Variants in TAF15 observed in about 807,000 individuals in gnomAD.
TAF15 encodes the protein TATA-binding protein-associated factor 2N.
In TAF15, 37 loss-of-function variants were observed where a neutral mutation model predicts 102.5. That is an observed-to-expected ratio of 0.36 (90% CI 0.28 to 0.47). The LOEUF (loss-of-function observed/expected upper bound fraction) is 0.47. Ranked by LOEUF, TAF15 falls within the 20% of genes least tolerant of loss-of-function variation. The pLI, the probability that TAF15 is intolerant of heterozygous loss-of-function variation, is 0.99. For synonymous variants in TAF15, 273 were observed against 259.2 expected, an observed-to-expected ratio of 1.05 and a Z score of -0.51; for missense variants, 652 against 760.7, an observed-to-expected ratio of 0.86 and a Z score of 1.68.
At position 35,847,088 on chromosome 17, in the gene TAF15, C is replaced by T. The variant is rs1372199096; in HGVS notation, c.*143C>T. 1 of 746,810 alleles carries T rather than the reference C, an allele frequency of 1.3e-6. No individual in the cohort carries two copies. Among genetic ancestry groups the T allele is most frequent in the Non-Finnish European group, 2.4e-6 (1 of 423,478 alleles). The allele number at this position is 746,810 out of a possible 1,614,324, so 46.3% of individuals were successfully genotyped here. On this transcript the variant is annotated 3_prime_UTR_variant, in exon 16 of 16. Transcript: ENST00000605844. ...TTTTATTTGGGTGGGAGGGCTGGGA[C>T]AGTTTTTCTTCTAGAAATGTCTGTT...
chr17:35,815,170 AAT>A (rs2087180727), intron 1 of TAF15, among the ~76,000 whole-genome samples: 1 of 152,188 alleles, frequency 6.6e-6, no homozygotes, highest in African/African-American at 2.4e-5. Context: ...AGAATAATAA[AAT>A]AACTTTTCTG....
intron 7 of TAF15, among the ~76,000 whole-genome samples, chr17:35,827,101 G>A (rs539941624): frequency 1.3e-5 from 2 of 151,914 alleles, no homozygotes; most frequent in South Asian, 2.1e-4. Flanking sequence ...ATTAAAAATA[G>A]CAATTCTTGG....
At chr17:35,831,229 C>T (rs1436001656) in intron 7 of TAF15, among the ~76,000 whole-genome samples, 3 of 151,918 alleles carry the variant, frequency 2.0e-5, no homozygotes, top group South Asian at 2.1e-4. Flanking sequence ...GGTGAAACCC[C>T]GTCTCTACTA....
rs770087298 is a variant in TAF15, at chr17:35,844,881, C to CG, written c.1589dup (p.Tyr531LeufsTer56). ...AGGAGGCTATGGAGGAGACAGAAGCCGGGGGGGCTATGGAGGAGACCGTGG... is the reference window on the plus strand; with the variant it reads ...AGGAGGCTATGGAGGAGACAGAAGCCGGGGGGGGCTATGGAGGAGACCGTGG... On this transcript the variant is annotated frameshift_variant, in exon 15 of 16. Coordinates refer to ENST00000605844, the MANE Select transcript of TAF15 (RefSeq NM_139215.3). LOFTEE classifies it high-confidence loss of function. The CG allele has an allele frequency of 1.9e-6, 3 of 1,601,438 alleles. No homozygotes were observed. The highest frequency in any genetic ancestry group is 2.5e-6 in the Non-Finnish European group (3 of 1,176,478).
chr17:35,813,213 A>G (rs745733181), intron 1 of TAF15, among the ~76,000 whole-genome samples: 5 of 152,138 alleles, frequency 3.3e-5, no homozygotes, highest in Admixed American at 6.6e-5. Flanking sequence ...TTAATTAGGA[A>G]AAGTGAATAA....
chr17:35,818,246 C>T (rs1055776831), intron 2 of TAF15, among the ~76,000 whole-genome samples: 19 of 152,246 alleles, frequency 1.2e-4, no homozygotes, highest in African/African-American at 4.1e-4. Flanking sequence ...CAGGCGCTCG[C>T]CAGCACACCC....
At chr17:35,818,138 C>T (rs1335921308) in intron 2 of TAF15, among the ~76,000 whole-genome samples, 3 of 152,120 alleles carry the variant, frequency 2.0e-5, no homozygotes, top group Non-Finnish European at 2.9e-5. Context: ...CTCTTTCGCC[C>T]AGGCTGGAGT....
intron 15 of TAF15, among the ~76,000 whole-genome samples, chr17:35,845,633 C>A (rs4251788): frequency 4.1e-4 from 63 of 152,122 alleles, no homozygotes; most frequent in Non-Finnish European, 2.9e-5. Flanking sequence ...CCTCAGCCTC[C>A]CAAGTAGCTG....
At chr17:35,810,292 G>A (rs1337480562) in intron 1 of TAF15, 1 of 153,458 alleles carries the variant, frequency 6.5e-6, no homozygotes, top group African/African-American at 2.4e-5. Flanking sequence ...TCCTGTAGGT[G>A]TATGTGGCAT....
At chr17:35,845,812 A>G (rs2087617373) in intron 15 of TAF15, among the ~76,000 whole-genome samples, 2 of 152,220 alleles carry the variant, frequency 1.3e-5, no homozygotes, top group African/African-American at 2.4e-5. Flanking sequence ...TTATTCATAA[A>G]TCTTTATTTG....
chr17:35,833,741 A>G (rs1375387481), intron 7 of TAF15, 166 bp from the exon 8 acceptor site: 1 of 664,724 alleles, frequency 1.5e-6, no homozygotes, highest in African/African-American at 1.8e-5. Flanking sequence ...AAACACTTAG[A>G]TGGAAACAAC....
chr17:35,822,746 T>G lies in TAF15; in HGVS notation c.397T>G (p.Ser133Ala). Reference sequence around the variant, plus strand: ...ACATCAAGGCTCATATGATGAGCAGTCAAATTATGATCAGCAGCATGATTC... The same window carrying G: ...ACATCAAGGCTCATATGATGAGCAGGCAAATTATGATCAGCAGCATGATTC... Reference protein sequence around the residue: ...DQHQGSYDEQSNYDQQHDSYS... With the variant: ...DQHQGSYDEQANYDQQHDSYS... The change falls in exon 6 of 16, where the codon TCA becomes GCA. Residue 133 changes from serine (S) to alanine (A), a missense_variant. By Grantham distance (99) the Ser-to-Ala change is moderately conservative. Coordinates refer to ENST00000605844, the MANE Select transcript of TAF15 (RefSeq NM_139215.3). 2 of 1,614,170 alleles carry G rather than the reference T, an allele frequency of 1.2e-6. No homozygotes were observed. The highest frequency in any genetic ancestry group is 1.7e-6 in the Non-Finnish European group (2 of 1,180,030).
chr17:35,840,485 C>T (rs1487097843), intron 11 of TAF15, among the ~76,000 whole-genome samples: 1 of 150,690 alleles, frequency 6.6e-6, no homozygotes, highest in Non-Finnish European at 1.5e-5. Context: ...ATCTCCTGAC[C>T]TCGTGATCCA....
At chr17:35,833,604 T>C (rs1231712987) in intron 7 of TAF15, 2 of 273,356 alleles carry the variant, frequency 7.3e-6, no homozygotes, top group African/African-American at 4.3e-5. Context: ...TTTCATGCTG[T>C]GCCTCCAGCT....
chr17:35,824,365 T>A, intron 7 of TAF15, 167 bp downstream of exon 7: 1 of 905,718 alleles, frequency 1.1e-6, no homozygotes, highest in Non-Finnish European at 1.6e-6. Flanking sequence ...TTTTCAGTCT[T>A]AATATCTCAC....
chr17:35,844,089 A>T lies in TAF15; in HGVS notation c.1019A>T (p.Tyr340Phe), dbSNP rs771224081. 1 of 1,614,130 alleles carries T rather than the reference A, an allele frequency of 6.2e-7. No homozygotes were observed. The highest frequency in any genetic ancestry group is 8.5e-7 in the Non-Finnish European group (1 of 1,180,008). The change falls in exon 13 of 16, where the codon TAT becomes TTT. Residue 340 changes from tyrosine to phenylalanine, a missense_variant. By Grantham distance (22) the Tyr-to-Phe change is conservative. Around this residue, in one of 3 missense-constraint regions of TAF15, gnomAD observed 368 missense variants for 367.5 expected, o/e 1.00. Transcript: ENST00000605844. Reference protein sequence around the residue: ...SGGGRRGRGGYRGRGGFQGRG... With the variant: ...SGGGRRGRGGFRGRGGFQGRG... ...CCCATCCCCCTAGGCCGTGGAGGATATAGAGGTCGTGGAGGCTTTCAAGGG... is the reference window on the plus strand; with the variant it reads ...CCCATCCCCCTAGGCCGTGGAGGATTTAGAGGTCGTGGAGGCTTTCAAGGG...
chr17:35,819,100 A>G (rs559805440), intron 2 of TAF15, among the ~76,000 whole-genome samples: 9 of 152,354 alleles, frequency 5.9e-5, no homozygotes, highest in African/African-American at 2.2e-4. Context: ...ATAGCACCTC[A>G]GATATCTTGT....
At chr17:35,814,868 G>A (rs944316729) in intron 1 of TAF15, among the ~76,000 whole-genome samples, 4 of 150,780 alleles carry the variant, frequency 2.7e-5, no homozygotes, top group African/African-American at 9.9e-5. Context: ...AAAAAAGTGT[G>A]TGTGTATATA....
rs760798966 is a variant in TAF15, at chr17:35,844,802, T to C, written c.1503T>C (p.Tyr501=). The change falls in exon 15 of 16, where the codon TAT becomes TAC. Residue 501 remains tyrosine (Y), a synonymous_variant. Transcript: ENST00000605844. ...GGGYGGDRGG[Y]GGDRGGYGGD... The stretch of plus-strand genomic sequence containing the variant: ...GCTATGGTGGAGACCGAGGAGGCTA[T>C]GGAGGAGATCGAGGAGGTTACGGAG... The C allele has an allele frequency of 1.5e-5, 24 of 1,597,968 alleles. No homozygotes were observed. The highest frequency in any genetic ancestry group is 1.3e-4 in the East Asian group (6 of 44,620).
Sources: gnomAD v4.1 joint callset for allele counts (sites outside exome capture counted in the v4.1 genomes callset) on GRCh38, gnomAD v4.1.1 for gene constraint, gnomAD v4.1.1 regional missense constraint, MANE v1.5 for transcripts, NCBI Gene and HGNC (gene_info 2026-07-23, HGNC 2026-07-21) for gene names.